Variants in TRPM3 observed in about 807,000 individuals in gnomAD.
TRPM3 encodes transient receptor potential cation channel subfamily M member 3.
In TRPM3, 77 loss-of-function variants were observed where a neutral mutation model predicts 181.2. The observed-to-expected ratio is 0.42, with a 90% CI of 0.35 to 0.51. The LOEUF (loss-of-function observed/expected upper bound fraction) is 0.51. TRPM3 is among the 20% of genes least tolerant of loss of function. TRPM3 has a pLI of 0.01. For synonymous variants in TRPM3, 745 were observed against 796.4 expected, an observed-to-expected ratio of 0.94 and a Z score of 1.09; for missense variants, 1,759 against 2,196.7, an observed-to-expected ratio of 0.80 and a Z score of 3.98.
intron 1 of TRPM3, among the ~76,000 whole-genome samples, chr9:70,993,960 A>G (rs1047155837): frequency 6.6e-6 from 1 of 152,132 alleles, no homozygotes; most frequent in African/African-American, 2.4e-5. Flanking sequence ...AATGACATTC[A>G]TGTCACAGAG....
intron 1 of TRPM3, among the ~76,000 whole-genome samples, chr9:71,338,013 A>T (rs2090682297): frequency 6.6e-6 from 1 of 151,944 alleles, no homozygotes; most frequent in African/African-American, 2.4e-5. Context: ...GCAAACCACC[A>T]TGGCACATGT....
intron 1 of TRPM3, among the ~76,000 whole-genome samples, chr9:70,992,962 TAGG>T (rs1160979254): frequency 6.6e-6 from 1 of 152,068 alleles, no homozygotes; most frequent in Non-Finnish European, 1.5e-5. Context: ...GAAGAAATGA[TAGG>T]AGAACTCTAG....
At chr9:71,295,357 A>C (rs2086169368) in intron 1 of TRPM3, among the ~76,000 whole-genome samples, 1 of 151,540 alleles carries the variant, frequency 6.6e-6, no homozygotes, top group African/African-American at 2.4e-5. Context: ...CGAATGTTGA[A>C]TATTAGAAGG....
intron 1 of TRPM3, among the ~76,000 whole-genome samples, chr9:71,354,435 G>A (rs985663505): frequency 2.0e-5 from 3 of 152,098 alleles, no homozygotes; most frequent in Non-Finnish European, 4.4e-5. Flanking sequence ...AACAAGCTTC[G>A]ATGGGACCCG....
chr9:70,611,926 G>T (rs145809307), intron 18 of TRPM3, among the ~76,000 whole-genome samples: 38 of 152,258 alleles, frequency 2.5e-4, no homozygotes, highest in African/African-American at 8.9e-4. Flanking sequence ...CCAGGCCCTG[G>T]GTCACTCAGA....
At chr9:71,250,170 A>C (rs528267940) in intron 1 of TRPM3, among the ~76,000 whole-genome samples, 1 of 152,266 alleles carries the variant, frequency 6.6e-6, no homozygotes, top group African/African-American at 2.4e-5. Flanking sequence ...TGGCTTAAAC[A>C]ATTTTAGGGA....
intron 22 of TRPM3, among the ~76,000 whole-genome samples, chr9:70,576,105 A>G (rs1005558711): frequency 3.3e-5 from 5 of 152,204 alleles, no homozygotes; most frequent in African/African-American, 4.8e-5. Context: ...ATACTTGTAG[A>G]GACAGGTGAA....
intron 1 of TRPM3, among the ~76,000 whole-genome samples, chr9:70,997,583 G>C (rs1402801570): frequency 2.0e-5 from 3 of 151,866 alleles, no homozygotes; most frequent in Admixed American, 2.0e-4. Flanking sequence ...CTTCATTTTT[G>C]TTTTCATTCT....
intron 1 of TRPM3, among the ~76,000 whole-genome samples, chr9:70,995,508 T>C (rs2097533619): frequency 6.6e-6 from 1 of 152,190 alleles, no homozygotes; most frequent in Non-Finnish European, 1.5e-5. Context: ...TTTTGGCATT[T>C]GTCATCCCTG....
intron 25 of TRPM3, among the ~76,000 whole-genome samples, chr9:70,537,736 G>T (rs1564205464): frequency 6.6e-6 from 1 of 152,174 alleles, no homozygotes; most frequent in Non-Finnish European, 1.5e-5. Flanking sequence ...TCTTATTGAA[G>T]TAGAGTGGGG....
intron 1 of TRPM3, among the ~76,000 whole-genome samples, chr9:70,987,956 C>T (rs1300494045): frequency 2.0e-5 from 3 of 152,046 alleles, no homozygotes; most frequent in Non-Finnish European, 4.4e-5. Context: ...GATTAGTGTA[C>T]TCCTTATAAT....
intron 1 of TRPM3, among the ~76,000 whole-genome samples, chr9:71,338,487 T>G (rs1013028180): frequency 1.3e-5 from 2 of 152,108 alleles, no homozygotes; most frequent in African/African-American, 4.8e-5. Flanking sequence ...CCAAGGCAGA[T>G]TTTAGAATTA....
chr9:71,194,300 T>C (rs145763911), intron 1 of TRPM3, among the ~76,000 whole-genome samples: 174 of 152,058 alleles, frequency 1.1e-3, no homozygotes, highest in African/African-American at 3.5e-3. Flanking sequence ...ACCAGGAGGA[T>C]TGATTGTGAC....
chr9:71,251,207 C>T (rs950480075), intron 1 of TRPM3, among the ~76,000 whole-genome samples: 5 of 152,112 alleles, frequency 3.3e-5, no homozygotes, highest in Non-Finnish European at 5.9e-5. Context: ...ATTTTTTGAC[C>T]TGCAAGTATT....
chr9:70,981,350 T>A (rs1357130549), intron 1 of TRPM3, among the ~76,000 whole-genome samples: 1 of 152,212 alleles, frequency 6.6e-6, no homozygotes, highest in East Asian at 1.9e-4. Context: ...GAATATGATG[T>A]CTGGAAGCAC....
intron 12 of TRPM3, among the ~76,000 whole-genome samples, chr9:70,634,203 G>A (rs915671012): frequency 2.0e-5 from 3 of 152,100 alleles, no homozygotes; most frequent in Admixed American, 6.5e-5. Flanking sequence ...TCCACCTCCC[G>A]GGTTCAAGTG....
At chr9:70,958,433 C>G (rs946099264) in intron 1 of TRPM3, among the ~76,000 whole-genome samples, 33 of 152,274 alleles carry the variant, frequency 2.2e-4, no homozygotes, top group African/African-American at 7.0e-4. Context: ...CACATCCTCT[C>G]CAGCACCTGT....
intron 1 of TRPM3, among the ~76,000 whole-genome samples, chr9:71,247,717 C>T (rs1277559189): frequency 6.6e-6 from 1 of 152,106 alleles, no homozygotes; most frequent in Non-Finnish European, 1.5e-5. Context: ...AAGGGAAGAG[C>T]TCCCGTGGGC....
At chr9:70,834,558 G>T (rs1032496019) in intron 5 of TRPM3, among the ~76,000 whole-genome samples, 10 of 152,226 alleles carry the variant, frequency 6.6e-5, no homozygotes, top group Admixed American at 6.5e-5. Flanking sequence ...TAAAACAGAA[G>T]TGATAGTGTG....
Sources: allele counts gnomAD v4.1 joint callset (sites outside exome capture counted in the v4.1 genomes callset), GRCh38; gene constraint gnomAD v4.1.1; transcripts MANE v1.5; gene names NCBI Gene and HGNC (gene_info 2026-07-23, HGNC 2026-07-21).